The following CFAP46 variants were observed in gnomAD, a reference collection of about 807,000 sequenced individuals.
The protein encoded by CFAP46 is cilia- and flagella-associated protein 46.
Under a neutral mutation model 325.7 loss-of-function variants are expected in CFAP46, and 245 were observed. That is an observed-to-expected ratio of 0.75 (90% CI 0.68 to 0.84). The LOEUF (loss-of-function observed/expected upper bound fraction) is 0.84, where lower values mean the gene tolerates loss of function less well. CFAP46 is among the 40% of genes least tolerant of loss of function. The pLI is 0.00. For missense variants in CFAP46, 3,346 were observed against 3,543.0 expected, an observed-to-expected ratio of 0.94 and a Z score of 1.41; for synonymous variants, 1,523 against 1,495.9, an observed-to-expected ratio of 1.02 and a Z score of -0.42.
intron 16 of CFAP46, among the ~76,000 whole-genome samples, chr10:132,917,084 C>A (rs1297369756): frequency 2.0e-5 from 3 of 152,248 alleles, no homozygotes; most frequent in African/African-American, 7.2e-5. Flanking sequence ...GACCATGTGG[C>A]ACAGCCCCGT....
chr10:132,899,507 C>A, intron 23 of CFAP46, 28 bp downstream of exon 23: 1 of 1,528,794 alleles, frequency 6.5e-7, no homozygotes. Flanking sequence ...AGGGACAGAG[C>A]CCACCCCAGC....
chr10:132,913,024 AC>A, intron 18 of CFAP46, 21 bp downstream of exon 18: 2 of 1,547,532 alleles, frequency 1.3e-6, no homozygotes, highest in Non-Finnish European at 1.7e-6. Context: ...CCCTGCGTGA[AC>A]GCAGCACAGC....
At chr10:132,875,035 A>T (rs901535527) in intron 31 of CFAP46, among the ~76,000 whole-genome samples, 3 of 152,266 alleles carry the variant, frequency 2.0e-5, no homozygotes, top group African/African-American at 7.2e-5. Context: ...CAGACAAATT[A>T]CTAAAGTTAT....
chr10:132,885,933 C>A lies in CFAP46; in HGVS notation c.3331G>T (p.Ala1111Ser), dbSNP rs1272920418. The change falls in exon 26 of 58, where the codon GCT becomes TCT. Residue 1111 changes from alanine (A) to serine (S), a missense_variant. Transcript: ENST00000368586. ...TGGAAGAGCAGGCCGTAGAGCGCAG[C>A]ACGGAGCGCCAGGTCGTCCTCAGCC... ...PGAEDDLALR[A>S]ALYGLLFHSH... 1 of 1,550,094 alleles carries A rather than the reference C, an allele frequency of 6.5e-7. No individual in the cohort carries two copies. Among genetic ancestry groups the A allele is most frequent in the Admixed American group, 2.0e-5 (1 of 50,972 alleles).
At chr10:132,925,889 C>T (rs528786301) in intron 10 of CFAP46, among the ~76,000 whole-genome samples, 1 of 152,224 alleles carries the variant, frequency 6.6e-6, no homozygotes, top group Non-Finnish European at 1.5e-5. Flanking sequence ...CTGTACCCAG[C>T]GGAGCCTCGC....
At chr10:132,844,476 T>C (rs576966460) in intron 44 of CFAP46, among the ~76,000 whole-genome samples, 1 of 152,312 alleles carries the variant, frequency 6.6e-6, no homozygotes, top group South Asian at 2.1e-4. Flanking sequence ...TTCCCGAGGC[T>C]GCTGCGGTGG....
chr10:132,845,991 G>T (rs1242816308), intron 44 of CFAP46, 66 bp downstream of exon 44: 3 of 1,514,740 alleles, frequency 2.0e-6, no homozygotes, highest in Non-Finnish European at 2.7e-6. Context: ...GGACTGTGCG[G>T]CTGCAGTGTC....
intron 43 of CFAP46, 82 bp from the exon 44 acceptor site, chr10:132,846,309 C>A: frequency 6.7e-7 from 1 of 1,481,820 alleles, no homozygotes. Context: ...TGCGCAGCAG[C>A]TGCAGCCTGG....
chr10:132,849,415 T>C (rs76881514), intron 41 of CFAP46, among the ~76,000 whole-genome samples: 14,919 of 152,132 alleles, frequency 0.098, 740 homozygotes, highest in South Asian at 0.13. Context: ...CAGGCACATA[T>C]GGCGTGGTTG....
Position 132,848,431 on chromosome 10 carries a change from G to A in CFAP46, c.5953-1110C>T, listed in dbSNP as rs566503886. 2.1e-3 allele frequency among the ~76,000 whole-genome samples: 316 copies of A among 152,214 alleles called. 1 individual carries two copies. Among genetic ancestry groups the A allele is most frequent in the African/African-American group, 7.2e-3 (297 of 41,518 alleles). On this transcript the variant is annotated intron_variant, in intron 41 of 57. Coordinates refer to ENST00000368586, the MANE Select transcript of CFAP46 (RefSeq NM_001200049.3). ...CAAGCTGCGGCAGCACTGGTGAGTCGGGGGGAGGGAGGGCAGCAGAGAAGC... is the reference window on the plus strand; with the variant it reads ...CAAGCTGCGGCAGCACTGGTGAGTCAGGGGGAGGGAGGGCAGCAGAGAAGC...
chr10:132,880,741 C>T, intron 28 of CFAP46, 120 bp downstream of exon 28: 3 of 1,231,028 alleles, frequency 2.4e-6, no homozygotes, highest in Non-Finnish European at 3.3e-6. Context: ...GTCAGGGGCT[C>T]CTGGCCTCCA....
intron 19 of CFAP46, among the ~76,000 whole-genome samples, chr10:132,911,975 T>A (rs1374975742): frequency 6.6e-6 from 1 of 152,122 alleles, no homozygotes; most frequent in African/African-American, 2.4e-5. Flanking sequence ...CTTCCTAGAT[T>A]GTTCTCACGT....
intron 22 of CFAP46, 143 bp from the exon 23 acceptor site, chr10:132,899,809 G>A: frequency 1.0e-6 from 1 of 986,586 alleles, no homozygotes; most frequent in Non-Finnish European, 1.4e-6. Flanking sequence ...CATGTGCACA[G>A]GGCTCCGCCC....
In CFAP46 at chr10:132,827,051, A is replaced by G. The variant is rs928838690; in HGVS notation, c.7117+6307T>C. ...ATCAAAAACGGTTTCCGACACCTCC[A>G]TGAGCCTCGTGTCTGTGCCAACCGA... On this transcript the variant is annotated intron_variant, in intron 50 of 57. Coordinates refer to ENST00000368586, the MANE Select transcript of CFAP46 (RefSeq NM_001200049.3). The surrounding 1 kb of genome is among the most constrained non-coding windows in gnomAD (Gnocchi z 5.7). Among the ~76,000 whole-genome samples, 3 of 152,098 alleles carry G rather than the reference A, an allele frequency of 2.0e-5. No individual in the cohort carries two copies. The highest frequency in any genetic ancestry group is 6.5e-5 in the Admixed American group (1 of 15,276).
chr10:132,935,757 T>C, intron 7 of CFAP46, among the ~76,000 whole-genome samples: 1 of 114,522 alleles, frequency 8.7e-6, no homozygotes, highest in Admixed American at 8.7e-5. Flanking sequence ...CTCACAGCCC[T>C]CAGCACCCAA....
intron 36 of CFAP46, 72 bp from the exon 37 acceptor site, chr10:132,860,595 C>G: frequency 1.6e-6 from 2 of 1,266,128 alleles, no homozygotes; most frequent in Non-Finnish European, 2.2e-6. Flanking sequence ...TGAGGACGGG[C>G]GGGCAGGGAC....
chr10:132,924,411 C>T (rs1322876895), intron 11 of CFAP46, among the ~76,000 whole-genome samples: 1 of 152,174 alleles, frequency 6.6e-6, no homozygotes, highest in East Asian at 1.9e-4. Flanking sequence ...CCCCCACTCC[C>T]GGCCTCTGTG....
At position 132,922,330 on chromosome 10, in the gene CFAP46, G is replaced by A. The variant is rs572638194; in HGVS notation, c.1486-106C>T. 5.0e-5 allele frequency: 74 copies of A among 1,475,304 alleles called. 1 individual carries two copies. In the African/African-American group the frequency reaches 7.5e-4, roughly 15 times the overall value. The allele number at this position is 1,475,304 out of a possible 1,614,324, so 91.4% of individuals were successfully genotyped here. On this transcript the variant is annotated intron_variant, in intron 12 of 57. Transcript: ENST00000368586. ...TTTGGCAGGGGCCTGTGTGGTCCTC[G>A]TGCTCATAGACACAGTGACAGCTCG...
At chr10:132,938,817 C>T in intron 4 of CFAP46, 64 bp from the exon 5 acceptor site, 1 of 1,512,342 alleles carries the variant, frequency 6.6e-7, no homozygotes, top group Non-Finnish European at 9.0e-7. Context: ...GCTGCAGAAC[C>T]AAGGGGCCGC....
Sources: gnomAD v4.1 joint callset for allele counts (sites outside exome capture counted in the v4.1 genomes callset) on GRCh38, gnomAD v4.1.1 for gene constraint, Gnocchi (gnomAD v3.1) non-coding constraint, MANE v1.5 for transcripts, NCBI Gene and HGNC (gene_info 2026-07-23, HGNC 2026-07-21) for gene names.